The following MYCBP2 variants were observed in gnomAD, a reference collection of about 807,000 sequenced individuals.
MYCBP2 encodes MYC binding protein 2, also known as E3 ubiquitin-protein ligase MYCBP2.
In MYCBP2, 120 loss-of-function variants were observed where a neutral mutation model predicts 525.3. The observed-to-expected ratio is 0.23, with a 90% CI of 0.20 to 0.27. MYCBP2 has a LOEUF of 0.27. MYCBP2 is among the 10% of genes least tolerant of loss of function. MYCBP2 has a pLI of 1.00. For missense variants in MYCBP2, 4,149 were observed against 5,657.1 expected (o/e 0.73, Z 8.55); for synonymous variants, 1,894 against 1,955.8 (o/e 0.97, Z 0.83).
intron 7 of MYCBP2, among the ~76,000 whole-genome samples, chr13:77,269,071 G>A (rs952881095): frequency 1.3e-5 from 2 of 152,142 alleles, no homozygotes; most frequent in African/African-American, 4.8e-5. Context: ...TCCATAAGAG[G>A]AGTAATGTAT....
At chr13:77,261,046 A>G (rs2073177839) in intron 12 of MYCBP2, 125 bp downstream of exon 12, 2 of 691,208 alleles carry the variant, frequency 2.9e-6, no homozygotes, top group Admixed American at 3.1e-5. Context: ...ACATCAAGTC[A>G]ATGATATATA....
At chr13:77,227,108 G>A (rs563254415) in intron 18 of MYCBP2, among the ~76,000 whole-genome samples, 2 of 152,098 alleles carry the variant, frequency 1.3e-5, no homozygotes, top group South Asian at 2.1e-4. Context: ...TTGAGCCCTT[G>A]GTTTGAAAAG....
chr13:77,152,833 A>G (rs1367632952), intron 46 of MYCBP2, among the ~76,000 whole-genome samples: 1 of 152,094 alleles, frequency 6.6e-6, no homozygotes, highest in Admixed American at 6.5e-5. Flanking sequence ...TTGGAGTCTG[A>G]GGCGGGCGAA....
At chr13:77,057,812 A>G (rs990166495) in intron 78 of MYCBP2, among the ~76,000 whole-genome samples, 1 of 150,400 alleles carries the variant, frequency 6.6e-6, no homozygotes, top group Non-Finnish European at 1.5e-5. Flanking sequence ...CTAGTGATAT[A>G]AAAAAAGATT....
At chr13:77,122,641 G>A (rs984877680) in intron 54 of MYCBP2, among the ~76,000 whole-genome samples, 2 of 141,378 alleles carry the variant, frequency 1.4e-5, no homozygotes, top group African/African-American at 5.4e-5. Context: ...AGTGAGCCGA[G>A]ATCGCGCCAC....
rs1450128273 is a variant in MYCBP2 at position 77,294,129 on chromosome 13, T to TATATACATATATATATATATATATATAC, written c.378+2469_378+2470insGTATATATATATATATATATATGTATAT. ...CTATATATATATATATATATATATA[T>TATATACATATATATATATATATATATAC]ACATATATATATACATATATATAAA... On this transcript the variant is annotated intron_variant, in intron 2 of 82. Transcript: ENST00000544440. Among the ~76,000 whole-genome samples, 33 of 26,138 alleles carry TATATACATATATATATATATATATATAC rather than the reference T, an allele frequency of 1.3e-3. 3 individuals are homozygous for TATATACATATATATATATATATATATAC. Among genetic ancestry groups the TATATACATATATATATATATATATATAC allele is most frequent in the Admixed American group, 6.1e-4 (1 of 1,632 alleles). The allele number at this position is 26,138 out of a possible 152,430, so 17.1% of individuals were successfully genotyped here. A position where few individuals can be genotyped will look rare whatever the true frequency, so the allele number is the denominator to read the frequency against.
rs1415326304 is a variant in MYCBP2, at chr13:77,045,261, C to G, written c.*117G>C. The stretch of plus-strand genomic sequence containing the variant: ...TATCCTTCTTGCACTGTGAATGGTT[C>G]ATTTTCATGGATGTAAAAATGGTCC... On this transcript the variant is annotated 3_prime_UTR_variant, in exon 83 of 83. Transcript: ENST00000544440. 2.6e-5 allele frequency: 16 copies of G among 617,074 alleles called. No individual in the cohort carries two copies. Among genetic ancestry groups the G allele is most frequent in the Non-Finnish European group, 4.3e-5 (15 of 346,808 alleles). 38.2% of individuals were successfully genotyped at this position (617,074 alleles called of 1,614,324 possible).
intron 15 of MYCBP2, 89 bp from the exon 16 acceptor site, chr13:77,244,040 A>AT (rs2069414701): frequency 4.4e-6 from 6 of 1,365,134 alleles, no homozygotes; most frequent in Non-Finnish European, 5.8e-6. Flanking sequence ...TATTTTCCAC[A>AT]TTTTTGAAAT....
At chr13:77,096,919 G>A (rs118092420) in intron 56 of MYCBP2, among the ~76,000 whole-genome samples, 2,478 of 152,068 alleles carry the variant, frequency 0.016, 41 homozygotes, top group Non-Finnish European at 0.025. Context: ...CAATGTTACA[G>A]AAATCATTAC....
At chr13:77,170,749 T>G (rs1433219151) in intron 38 of MYCBP2, among the ~76,000 whole-genome samples, 3 of 151,838 alleles carry the variant, frequency 2.0e-5, no homozygotes, top group Non-Finnish European at 2.9e-5. Flanking sequence ...GCTAATTTTT[T>G]TATTTTTAGT....
intron 55 of MYCBP2, among the ~76,000 whole-genome samples, chr13:77,108,327 G>A (rs996589885): frequency 3.3e-5 from 5 of 152,166 alleles, no homozygotes; most frequent in South Asian, 2.1e-4. Flanking sequence ...TAGGAAAAGC[G>A]TATCATTTCA....
chr13:77,066,031 G>C lies in MYCBP2; in HGVS notation c.12513C>G (p.Ile4171Met). The change falls in exon 72 of 83, where the codon ATC becomes ATG. Residue 4171 changes from isoleucine to methionine, a missense_variant. Ile to Met is a conservative substitution (Grantham distance 10, BLOSUM62 1). This residue lies in a region of MYCBP2 where 148 missense variants were observed against 179.4 expected (regional missense o/e 0.82). Transcript: ENST00000544440. ...TGATAAGTTTAATGATGATCTCTGA[G>C]ATCTGGGTAGGGGTTGAGCCCTTCA... ...WWMKGSTPTQ[I>M]SEIIIKLIKD... 1.2e-6 allele frequency: 2 copies of C among 1,613,390 alleles called. 1 individual carries two copies. Among genetic ancestry groups the C allele is most frequent in the Admixed American group, 3.3e-5 (2 of 59,994 alleles).
chr13:77,116,620 T>C (rs1594686123), intron 55 of MYCBP2, among the ~76,000 whole-genome samples: 1 of 152,048 alleles, frequency 6.6e-6, no homozygotes, highest in Admixed American at 6.6e-5. Context: ...TGCTGGACTA[T>C]AGGCAAGTAA....
chr13:77,305,749 A>G (rs1006445878), intron 1 of MYCBP2, among the ~76,000 whole-genome samples: 3 of 152,150 alleles, frequency 2.0e-5, no homozygotes, highest in Admixed American at 2.0e-4. Context: ...ATACATAATC[A>G]ACATAATTCA....
chr13:77,125,611 C>T (rs557768400), intron 53 of MYCBP2, 143 bp from the exon 54 acceptor site: 8 of 882,554 alleles, frequency 9.1e-6, no homozygotes, highest in Non-Finnish European at 1.3e-5. Flanking sequence ...AAATTAAGGC[C>T]ACAGCCTGAG....
At chr13:77,272,691 T>C (rs1358279579) in intron 5 of MYCBP2, among the ~76,000 whole-genome samples, 3 of 152,170 alleles carry the variant, frequency 2.0e-5, no homozygotes, top group Non-Finnish European at 4.4e-5. Context: ...AGCAGAAATC[T>C]TGAGTAAGGG....
At chr13:77,069,355 G>A (rs892375480) in intron 69 of MYCBP2, among the ~76,000 whole-genome samples, 2 of 152,224 alleles carry the variant, frequency 1.3e-5, no homozygotes, top group African/African-American at 2.4e-5. Flanking sequence ...GGGTGCCGTG[G>A]CTCACGCCTG....
intron 15 of MYCBP2, among the ~76,000 whole-genome samples, chr13:77,244,374 A>G (rs753759836): frequency 5.3e-5 from 8 of 152,218 alleles, no homozygotes; most frequent in Non-Finnish European, 8.8e-5. Flanking sequence ...AGCCTTCAGC[A>G]ACAGAGCCTA....
intron 3 of MYCBP2, among the ~76,000 whole-genome samples, chr13:77,285,073 A>C (rs1258997882): frequency 6.6e-6 from 1 of 152,200 alleles, no homozygotes; most frequent in Non-Finnish European, 1.5e-5. Context: ...GACTCTGTTA[A>C]TTATGCTGCA....
Sources: gnomAD v4.1 joint callset for allele counts (sites outside exome capture counted in the v4.1 genomes callset) on GRCh38, gnomAD v4.1.1 for gene constraint, gnomAD v4.1.1 regional missense constraint, MANE v1.5 for transcripts, NCBI Gene and HGNC (gene_info 2026-07-23, HGNC 2026-07-21) for gene names.